The following KIF13A variants were observed in gnomAD, a reference collection of about 807,000 sequenced individuals.
KIF13A encodes kinesin-like protein KIF13A.
KIF13A carries 79 observed loss-of-function variants against 212.2 expected under a neutral mutation model. That is an observed-to-expected ratio of 0.37 (90% CI 0.31 to 0.45). The LOEUF is 0.45. Among genes scored for constraint, KIF13A ranks in the 20% least tolerant of loss-of-function variants. The pLI, the probability that KIF13A is intolerant of heterozygous loss-of-function variation, is 1.00. For missense variants in KIF13A, 1,901 were observed against 2,209.0 expected, an observed-to-expected ratio of 0.86 and a Z score of 2.79; for synonymous variants, 789 against 808.6, an observed-to-expected ratio of 0.98 and a Z score of 0.41.
At position 17,963,246 on chromosome 6, in the gene KIF13A, C is replaced by T. The variant is rs558271720; in HGVS notation, c.146+23808G>A. On this transcript the variant is annotated intron_variant, in intron 2 of 38. Coordinates refer to ENST00000259711, the MANE Select transcript of KIF13A (RefSeq NM_022113.6). The surrounding 1 kb of genome is among the most constrained non-coding windows in gnomAD (Gnocchi z 4.1). ...CAGCCTGGCCAACATGGCGAAGCTC[C>T]GTCTCTACTAAAAATACAAAAATTA... Among the ~76,000 whole-genome samples the T allele has an allele frequency of 2.6e-5, 4 of 152,140 alleles. No homozygotes were observed. The South Asian group carries it at 6.2e-4, about 24-fold the overall frequency.
At chr6:17,974,932 A>C (rs1025756854) in intron 2 of KIF13A, among the ~76,000 whole-genome samples, 4 of 152,216 alleles carry the variant, frequency 2.6e-5, no homozygotes, top group Non-Finnish European at 1.5e-5. Flanking sequence ...TGGACAGTGA[A>C]GATATAGCAT....
chr6:17,770,344 G>A (rs1378283674), intron 38 of KIF13A: 3 of 137,872 alleles, frequency 2.2e-5, no homozygotes, highest in African/African-American at 5.2e-5. Flanking sequence ...TTCTTTCCAG[G>A]CTTGAGAATA....
chr6:17,917,708 T>G (rs1035184827), intron 2 of KIF13A, among the ~76,000 whole-genome samples: 1 of 152,222 alleles, frequency 6.6e-6, no homozygotes, highest in African/African-American at 2.4e-5. Flanking sequence ...CTTAACAACG[T>G]AGCTAACTTT....
intron 2 of KIF13A, among the ~76,000 whole-genome samples, chr6:17,923,940 A>G (rs1775289522): frequency 6.6e-6 from 1 of 152,186 alleles, no homozygotes; most frequent in Admixed American, 6.5e-5. Flanking sequence ...CTCTCAGGTC[A>G]GGCCCAGTCC....
Position 17,799,271 on chromosome 6 carries a change from A to G in KIF13A, c.2785T>C (p.Cys929Arg). 3 of 1,593,246 alleles carry G rather than the reference A, an allele frequency of 1.9e-6. No homozygotes were observed. The highest frequency in any genetic ancestry group is 1.8e-5 in the Admixed American group (1 of 56,218). The change falls in exon 22 of 39, where the codon TGT (cysteine) becomes CGT (arginine). Residue 929 changes from cysteine to arginine, a missense_variant. Cys to Arg is a radical substitution (Grantham distance 180). This residue lies in a region of KIF13A where 534 missense variants were observed against 536.9 expected (regional missense o/e 0.99). Transcript: ENST00000259711. The surrounding 1 kb of genome is among the most constrained non-coding windows in gnomAD (Gnocchi z 4.4). Reference protein sequence around the residue: ...DAQYTVTFSHCKDYVVNVTEE... With the variant: ...DAQYTVTFSHRKDYVVNVTEE... The stretch of plus-strand genomic sequence containing the variant: ...TTTGGTAATGGCATTTGTACCTTAC[A>G]GTGGGAGAAGGTCACTGTGTACTGG...
Position 17,785,782 on chromosome 6 carries a change from G to T in KIF13A, c.3362-141C>A. On this transcript the variant is annotated intron_variant, in intron 27 of 38. Transcript: ENST00000259711. The surrounding 1 kb of genome is among the most constrained non-coding windows in gnomAD (Gnocchi z 5.8). ...AAAAAAATAGTTGGGCAGGGTGGTG[G>T]TACGCATGCCTGTAGTCCCAGATAC... The T allele has an allele frequency of 1.2e-6, 1 of 851,066 alleles. No homozygotes were observed. The allele number at this position is 851,066 out of a possible 1,614,324, so 52.7% of individuals were successfully genotyped here.
chr6:17,779,779 G>T, intron 31 of KIF13A, 95 bp from the exon 32 acceptor site: 1 of 496,466 alleles, frequency 2.0e-6, no homozygotes, highest in Non-Finnish European at 3.5e-6. Flanking sequence ...TCTCGCTGTC[G>T]CCCAGGCTGG....
intron 2 of KIF13A, among the ~76,000 whole-genome samples, chr6:17,966,777 T>C (rs896716217): frequency 2.6e-5 from 4 of 152,172 alleles, no homozygotes; most frequent in South Asian, 2.1e-4. Context: ...ATTCTTATTA[T>C]TGCACGAACA....
intron 18 of KIF13A, 40 bp downstream of exon 18, chr6:17,808,728 T>A: frequency 6.3e-7 from 1 of 1,575,764 alleles, no homozygotes; most frequent in East Asian, 2.3e-5. Flanking sequence ...CAATATTTAC[T>A]ATTGTGCATC....
rs993456516 is a variant in KIF13A, at chr6:17,856,834, T to C, written c.221-712A>G. Among the ~76,000 whole-genome samples the C allele has an allele frequency of 6.6e-6, 1 of 152,200 alleles. No homozygotes were observed. Among genetic ancestry groups the C allele is most frequent in the Non-Finnish European group, 1.5e-5 (1 of 68,040 alleles). On this transcript the variant is annotated intron_variant, in intron 4 of 38. Coordinates refer to ENST00000259711, the MANE Select transcript of KIF13A (RefSeq NM_022113.6). This position sits in a 1 kb window ranked among gnomAD's most constrained non-coding sequence, Gnocchi z 4.5. The stretch of plus-strand genomic sequence containing the variant: ...GAATTTGGTGATTTTCTAATATTCA[T>C]TCTGTATCACTAAGACAATTAGACT...
chr6:17,894,379 A>C (rs1468160213), intron 3 of KIF13A, among the ~76,000 whole-genome samples: 3 of 152,152 alleles, frequency 2.0e-5, no homozygotes, highest in African/African-American at 7.2e-5. Context: ...TTGGCTTCCC[A>C]AGGCCGGGGA....
intron 16 of KIF13A, chr6:17,821,803 T>C (rs1301047107): frequency 6.5e-6 from 10 of 1,535,356 alleles, no homozygotes; most frequent in East Asian, 2.4e-5. Flanking sequence ...CCAGTGTTTG[T>C]GGAGGAGCTT....
At chr6:17,985,640 T>TGGGGGGGGGGG (rs1457148104) in intron 2 of KIF13A, among the ~76,000 whole-genome samples, 3 of 40,858 alleles carry the variant, frequency 7.3e-5, no homozygotes, top group Non-Finnish European at 8.5e-5. Context: ...TGCGGGGGGG[T>TGGGGGGGGGGG]GGGGGGAGGG....
chr6:17,865,601 C>T (rs1036395742), intron 4 of KIF13A, among the ~76,000 whole-genome samples: 8 of 152,170 alleles, frequency 5.3e-5, no homozygotes, highest in African/African-American at 1.9e-4. Context: ...TATGGAAGTG[C>T]AGCTTTCAAA....
intron 9 of KIF13A, among the ~76,000 whole-genome samples, chr6:17,840,870 T>C (rs1452365630): frequency 6.6e-6 from 1 of 152,142 alleles, no homozygotes; most frequent in African/African-American, 2.4e-5. Context: ...TCTAAAAACA[T>C]GGCATCAATT....
In KIF13A at chr6:17,828,131, C is replaced by A. The variant is rs1204167736; in HGVS notation, c.1532+109G>T. ...GAAAGCAAGGGCCCCCTGAGGACCC[C>A]CATGTATCCTTAACTTTAATATAGC... On this transcript the variant is annotated intron_variant, in intron 14 of 38. Transcript: ENST00000259711. The surrounding 1 kb of genome is among the most constrained non-coding windows in gnomAD (Gnocchi z 4.3). 9.3e-7 allele frequency: 1 copy of A among 1,080,558 alleles called. No homozygotes were observed. The highest frequency in any genetic ancestry group is 1.6e-5 in the African/African-American group (1 of 62,666). 66.9% of individuals were successfully genotyped at this position (1,080,558 alleles called of 1,614,324 possible). A position where few individuals can be genotyped will look rare whatever the true frequency, so the allele number is the denominator to read the frequency against.
In KIF13A at chr6:17,778,851, T is replaced by C. The variant is rs968811986; in HGVS notation, c.4092+96A>G. 437 of 1,385,584 alleles carry C rather than the reference T, an allele frequency of 3.2e-4. 2 individuals carry two copies. Among genetic ancestry groups the C allele is most frequent in the Non-Finnish European group, 3.5e-4 (352 of 996,944 alleles). 85.8% of individuals were successfully genotyped at this position (1,385,584 alleles called of 1,614,324 possible). On this transcript the variant is annotated intron_variant, in intron 33 of 38. Transcript: ENST00000259711. ...GATGGCTCAAGTGCTCCTTCTCTGATAGATTTAGTGAGGTGTTTGGTAAGT... is the reference window on the plus strand; with the variant it reads ...GATGGCTCAAGTGCTCCTTCTCTGACAGATTTAGTGAGGTGTTTGGTAAGT...
rs10686772 is a variant in KIF13A, at chr6:17,785,750, C to CA, written c.3362-110dup. ...CAACATAGTGAGACCCCATCTCTAC[C>CA]AAAAAAAAAAAAATAGTTGGGCAGG... On this transcript the variant is annotated intron_variant, in intron 27 of 38. Coordinates refer to ENST00000259711, the MANE Select transcript of KIF13A (RefSeq NM_022113.6). The surrounding 1 kb of genome is among the most constrained non-coding windows in gnomAD (Gnocchi z 5.8). 55,879 of 835,370 alleles carry CA rather than the reference C, an allele frequency of 0.067. 163 individuals carry two copies. Among genetic ancestry groups the CA allele is most frequent in the African/African-American group, 0.1 (5,734 of 55,474 alleles). The allele number at this position is 835,370 out of a possible 1,614,324, so 51.7% of individuals were successfully genotyped here. A position where few individuals can be genotyped will look rare whatever the true frequency, so the allele number is the denominator to read the frequency against.
intron 4 of KIF13A, among the ~76,000 whole-genome samples, chr6:17,868,235 T>G (rs938602287): frequency 2.6e-5 from 4 of 152,202 alleles, no homozygotes; most frequent in Non-Finnish European, 5.9e-5. Flanking sequence ...ATTTTTGATA[T>G]GAAGATTTCT....
Sources: gnomAD v4.1 joint callset for allele counts (sites outside exome capture counted in the v4.1 genomes callset) on GRCh38, gnomAD v4.1.1 for gene constraint, gnomAD v4.1.1 regional missense constraint, Gnocchi (gnomAD v3.1) non-coding constraint, MANE v1.5 for transcripts, NCBI Gene and HGNC (gene_info 2026-07-23, HGNC 2026-07-21) for gene names.